PDZRN3: variants seen among roughly 807,000 people sequenced by gnomAD.
PDZRN3 encodes E3 ubiquitin-protein ligase PDZRN3.
Under a neutral mutation model 85.7 loss-of-function variants are expected in PDZRN3, and 38 were observed. The ratio of observed to expected loss-of-function variants is 0.44; its 90% CI spans 0.34 to 0.58. The LOEUF is 0.58. Among genes scored for constraint, PDZRN3 ranks in the 20% least tolerant of loss-of-function variants. PDZRN3 has a pLI of 0.01. For synonymous variants in PDZRN3, 759 were observed against 638.0 expected (o/e 1.19, Z -2.86); for missense variants, 1,629 against 1,506.4 (o/e 1.08, Z -1.35).
intron 3 of PDZRN3, among the ~76,000 whole-genome samples, chr3:73,411,288 T>G (rs1701962086): frequency 6.6e-6 from 1 of 152,188 alleles, no homozygotes. Flanking sequence ...GGTGGGGCCA[T>G]TTCAAGTGAA....
At position 73,383,139 on chromosome 3, in the gene PDZRN3, A is replaced by C; in HGVS notation, c.*226T>G. ...TAGAAAAGTACAATTGCTATTTGAA[A>C]AAAGCTCTGTTTGTTAATATTGCCT... On this transcript the variant is annotated 3_prime_UTR_variant, in exon 10 of 10. Coordinates refer to ENST00000263666, the MANE Select transcript of PDZRN3 (RefSeq NM_015009.3). The C allele has an allele frequency of 2.1e-6, 1 of 467,654 alleles. No individual in the cohort carries two copies. The highest frequency in any genetic ancestry group is 3.7e-6 in the Non-Finnish European group (1 of 268,762). The allele number at this position is 467,654 out of a possible 1,614,324, so 29.0% of individuals were successfully genotyped here.
At chr3:73,403,662 T>C (rs906219205) in intron 4 of PDZRN3, among the ~76,000 whole-genome samples, 1 of 152,146 alleles carries the variant, frequency 6.6e-6, no homozygotes, top group African/African-American at 2.4e-5. Context: ...GTTGCAGCTG[T>C]TATTTAATTG....
At chr3:73,519,364 G>A (rs914955703) in intron 3 of PDZRN3, among the ~76,000 whole-genome samples, 3 of 152,162 alleles carry the variant, frequency 2.0e-5, no homozygotes, top group African/African-American at 7.2e-5. Context: ...CAGCACGAAG[G>A]CTATTTTCTA....
chr3:73,506,179 G>T (rs1431458255), intron 3 of PDZRN3, among the ~76,000 whole-genome samples: 1 of 152,162 alleles, frequency 6.6e-6, no homozygotes, highest in Non-Finnish European at 1.5e-5. Flanking sequence ...ATAACAGGGT[G>T]CAGGTGGTAC....
chr3:73,556,831 G>A (rs1048114128), intron 3 of PDZRN3: 1 of 152,224 alleles, frequency 6.6e-6, no homozygotes, highest in African/African-American at 2.4e-5. Context: ...AAGAATGCTG[G>A]AGGCTGAGAT....
At chr3:73,416,892 T>G (rs12630713) in intron 3 of PDZRN3, among the ~76,000 whole-genome samples, 72,118 of 124,754 alleles carry the variant, frequency 0.58, 17,397 homozygotes, top group East Asian at 0.75. Flanking sequence ...TTTTTTTTTT[T>G]TTTTTTTTTT....
chr3:73,494,920 A>G (rs1260355785), intron 3 of PDZRN3, among the ~76,000 whole-genome samples: 1 of 152,268 alleles, frequency 6.6e-6, no homozygotes, highest in Non-Finnish European at 1.5e-5. Context: ...GTTACAAGGG[A>G]ACAGAAAACC....
At chr3:73,614,677 C>T (rs1405174221) in intron 1 of PDZRN3, among the ~76,000 whole-genome samples, 1 of 152,170 alleles carries the variant, frequency 6.6e-6, no homozygotes, top group Non-Finnish European at 1.5e-5. Context: ...GACATGAAAG[C>T]ACTGTATATT....
At chr3:73,474,713 C>G (rs1190662409) in intron 3 of PDZRN3, 1 of 745,816 alleles carries the variant, frequency 1.3e-6, no homozygotes, top group African/African-American at 1.9e-5. Context: ...GGAGCCCCAT[C>G]CATTTCAGGC....
intron 3 of PDZRN3, among the ~76,000 whole-genome samples, chr3:73,506,649 T>C (rs963732249): frequency 1.3e-5 from 2 of 152,094 alleles, no homozygotes; most frequent in South Asian, 2.1e-4. Context: ...GGGAAAGCAA[T>C]AGTCACAACT....
chr3:73,415,313 C>A (rs555991835), intron 3 of PDZRN3, among the ~76,000 whole-genome samples: 6 of 152,288 alleles, frequency 3.9e-5, no homozygotes, highest in South Asian at 2.1e-4. Flanking sequence ...TAGGAGAAAA[C>A]CTGGTACAAC....
chr3:73,454,892 ATT>A (rs879863163), intron 3 of PDZRN3, among the ~76,000 whole-genome samples: 3 of 145,690 alleles, frequency 2.1e-5, no homozygotes, highest in African/African-American at 5.0e-5. Context: ...AAGTTTCTTC[ATT>A]TTTTTTTTTT....
chr3:73,517,553 A>T (rs919029903), intron 3 of PDZRN3, among the ~76,000 whole-genome samples: 1 of 152,248 alleles, frequency 6.6e-6, no homozygotes, highest in Non-Finnish European at 1.5e-5. Flanking sequence ...AAAAGGCTGA[A>T]TGAAATGTAC....
intron 3 of PDZRN3, among the ~76,000 whole-genome samples, chr3:73,482,062 G>A (rs1035304379): frequency 2.0e-5 from 3 of 152,150 alleles, no homozygotes; most frequent in African/African-American, 7.2e-5. Flanking sequence ...TGGCTGCCTG[G>A]AGTGATAACA....
At chr3:73,572,390 C>CT (rs1340927648) in intron 3 of PDZRN3, among the ~76,000 whole-genome samples, 1 of 151,322 alleles carries the variant, frequency 6.6e-6, no homozygotes, top group African/African-American at 2.5e-5. Context: ...CCAGTATACT[C>CT]TAAGTTGACA....
intron 3 of PDZRN3, among the ~76,000 whole-genome samples, chr3:73,562,999 ATATATATATATATATTTT>A (rs1234057548): frequency 1.5e-4 from 5 of 32,684 alleles, no homozygotes; most frequent in Non-Finnish European, 2.2e-4. Flanking sequence ...ATATATATAT[ATATATATATATATATTTT>A]TTTTTTTTTT....
chr3:73,586,998 A>C (rs1318641933), intron 3 of PDZRN3, among the ~76,000 whole-genome samples: 1 of 152,190 alleles, frequency 6.6e-6, no homozygotes, highest in African/African-American at 2.4e-5. Flanking sequence ...TCTAATATCA[A>C]ATTTGACTCC....
chr3:73,495,263 T>G (rs1373716263), intron 3 of PDZRN3, among the ~76,000 whole-genome samples: 1 of 151,564 alleles, frequency 6.6e-6, no homozygotes, highest in African/African-American at 2.4e-5. Flanking sequence ...TAAAAGAATT[T>G]TTAATTATGG....
intron 3 of PDZRN3, among the ~76,000 whole-genome samples, chr3:73,443,757 G>A (rs1374991760): frequency 1.3e-5 from 2 of 151,542 alleles, no homozygotes; most frequent in African/African-American, 4.8e-5. Flanking sequence ...GCCTCCCAAA[G>A]TGCTGGAATT....
Sources: allele counts gnomAD v4.1 joint callset (sites outside exome capture counted in the v4.1 genomes callset), GRCh38; gene constraint gnomAD v4.1.1; transcripts MANE v1.5; gene names NCBI Gene and HGNC (gene_info 2026-07-23, HGNC 2026-07-21).